MLLT3: variants seen among roughly 807,000 people sequenced by gnomAD.
MLLT3 encodes the protein protein AF-9.
A neutral mutation model predicts 53.2 loss-of-function variants in MLLT3; 4 were observed. The ratio of observed to expected loss-of-function variants is 0.08; its 90% CI spans 0.04 to 0.17. MLLT3 has a LOEUF of 0.17. Among genes scored for constraint, MLLT3 ranks in the 10% least tolerant of loss-of-function variants. MLLT3 has a pLI of 1.00. For synonymous variants in MLLT3, 283 were observed against 230.6 expected, an observed-to-expected ratio of 1.23 and a Z score of -2.06; for missense variants, 569 against 684.0, an observed-to-expected ratio of 0.83 and a Z score of 1.87.
chr9:20,456,322 T>C (rs1461140842), intron 3 of MLLT3, among the ~76,000 whole-genome samples: 2 of 152,156 alleles, frequency 1.3e-5, no homozygotes, highest in Admixed American at 1.3e-4. Flanking sequence ...CAGCTAAAGA[T>C]AAAATGAGAG....
At chr9:20,407,699 A>G (rs1408254884) in intron 5 of MLLT3, among the ~76,000 whole-genome samples, 4 of 152,192 alleles carry the variant, frequency 2.6e-5, no homozygotes, top group Non-Finnish European at 5.9e-5. Context: ...CATCACTTCT[A>G]AAGATGGCAA....
At chr9:20,412,072 C>A (rs1040267211) in intron 5 of MLLT3, 1 of 152,156 alleles carries the variant, frequency 6.6e-6, no homozygotes, top group African/African-American at 2.4e-5. Flanking sequence ...TAGTGAATCA[C>A]AACCCATGAT....
chr9:20,481,615 C>A, intron 2 of MLLT3, among the ~76,000 whole-genome samples: 1 of 152,056 alleles, frequency 6.6e-6, no homozygotes, highest in African/African-American at 2.4e-5. Flanking sequence ...AAATAGCTCC[C>A]CACCCACTTC....
At chr9:20,464,478 C>A (rs1200742646) in intron 2 of MLLT3, among the ~76,000 whole-genome samples, 1 of 151,970 alleles carries the variant, frequency 6.6e-6, no homozygotes, top group African/African-American at 2.4e-5. Context: ...GAGAGAAAGA[C>A]AACATGCATA....
intron 2 of MLLT3, among the ~76,000 whole-genome samples, chr9:20,590,731 T>G (rs1004527088): frequency 2.0e-5 from 3 of 152,100 alleles, no homozygotes; most frequent in Admixed American, 6.6e-5. Context: ...CTAATACAAT[T>G]GCCGTCTTCT....
At chr9:20,431,199 A>C (rs1456975157) in intron 4 of MLLT3, among the ~76,000 whole-genome samples, 1 of 152,186 alleles carries the variant, frequency 6.6e-6, no homozygotes, top group Non-Finnish European at 1.5e-5. Context: ...ATAGGTATAC[A>C]ATATAAGACA....
intron 4 of MLLT3, among the ~76,000 whole-genome samples, chr9:20,420,029 T>A (rs1822967836): frequency 6.6e-6 from 1 of 152,018 alleles, no homozygotes; most frequent in Non-Finnish European, 1.5e-5. Flanking sequence ...GGTGTCAAGG[T>A]GAAAGAAAGT....
chr9:20,484,994 TA>T (rs1194559024), intron 2 of MLLT3, among the ~76,000 whole-genome samples: 3 of 151,836 alleles, frequency 2.0e-5, no homozygotes, highest in Non-Finnish European at 2.9e-5. Context: ...TTTTTTTATT[TA>T]TTTTTTTTTT....
intron 5 of MLLT3, among the ~76,000 whole-genome samples, chr9:20,394,031 C>T (rs1822257999): frequency 6.6e-6 from 1 of 152,180 alleles, no homozygotes; most frequent in South Asian, 2.1e-4. Context: ...ACAACTCTTT[C>T]AAATCATTCA....
chr9:20,605,848 A>T (rs1448285121), intron 2 of MLLT3, among the ~76,000 whole-genome samples: 1 of 152,132 alleles, frequency 6.6e-6, no homozygotes, highest in African/African-American at 2.4e-5. Context: ...TCTCACTTCA[A>T]CTATTAAGCA....
chr9:20,572,528 T>A (rs909446129), intron 2 of MLLT3, among the ~76,000 whole-genome samples: 1 of 152,230 alleles, frequency 6.6e-6, no homozygotes, highest in Non-Finnish European at 1.5e-5. Context: ...GCATGGTGGC[T>A]CACGCCTGTA....
At chr9:20,605,896 G>C (rs1820552441) in intron 2 of MLLT3, among the ~76,000 whole-genome samples, 1 of 152,022 alleles carries the variant, frequency 6.6e-6, no homozygotes, top group African/African-American at 2.4e-5. Flanking sequence ...TTGTAAAGGA[G>C]TACAAATTAC....
rs1820762221 is a variant in MLLT3, at chr9:20,342,602, T to C, written c.*3841A>G. 4.6e-6 allele frequency: 1 copy of C among 217,492 alleles called. No homozygotes were observed. Among genetic ancestry groups the C allele is most frequent in the Non-Finnish European group, 9.2e-6 (1 of 108,308 alleles). The allele number at this position is 217,492 out of a possible 1,614,324, so 13.5% of individuals were successfully genotyped here. A position where few individuals can be genotyped will look rare whatever the true frequency, so the allele number is the denominator to read the frequency against. ...GCGGTGGCTTTGTCTTCCTTTTAAATTGACTTCTTCACTGCATCTTTACAA... is the reference window on the plus strand; with the variant it reads ...GCGGTGGCTTTGTCTTCCTTTTAAACTGACTTCTTCACTGCATCTTTACAA... On this transcript the variant is annotated 3_prime_UTR_variant, in exon 11 of 11. Transcript: ENST00000380338.
chr9:20,417,325 A>T (rs1158937824), intron 4 of MLLT3, among the ~76,000 whole-genome samples: 1 of 147,940 alleles, frequency 6.8e-6, no homozygotes, highest in Non-Finnish European at 1.5e-5. Context: ...GCTTTCGCTG[A>T]TTTTCAGCCT....
chr9:20,604,973 T>C (rs1820525666), intron 2 of MLLT3, among the ~76,000 whole-genome samples: 2 of 152,132 alleles, frequency 1.3e-5, no homozygotes. Flanking sequence ...TTCAGATGGC[T>C]ATCACTTCTT....
intron 2 of MLLT3, among the ~76,000 whole-genome samples, chr9:20,503,450 C>T (rs1825299044): frequency 1.3e-5 from 2 of 152,176 alleles, no homozygotes; most frequent in African/African-American, 4.8e-5. Context: ...GGGGAAAGCA[C>T]AGCCTCTTCA....
intron 2 of MLLT3, among the ~76,000 whole-genome samples, chr9:20,536,423 G>T (rs1218079724): frequency 2.6e-5 from 4 of 152,048 alleles, no homozygotes; most frequent in African/African-American, 9.7e-5. Context: ...TATCATTTAG[G>T]CAAAAAGAGT....
chr9:20,442,267 C>T (rs1346455010), intron 4 of MLLT3, among the ~76,000 whole-genome samples: 1 of 152,098 alleles, frequency 6.6e-6, no homozygotes, highest in Non-Finnish European at 1.5e-5. Context: ...CTATTTGGTG[C>T]AGGCATAGAG....
At chr9:20,485,178 G>T (rs992703647) in intron 2 of MLLT3, among the ~76,000 whole-genome samples, 1 of 151,852 alleles carries the variant, frequency 6.6e-6, no homozygotes. Context: ...CAGTAGAGAC[G>T]GGGTTTCACC....
Sources: gnomAD v4.1 joint callset for allele counts (sites outside exome capture counted in the v4.1 genomes callset) on GRCh38, gnomAD v4.1.1 for gene constraint, MANE v1.5 for transcripts, NCBI Gene and HGNC (gene_info 2026-07-23, HGNC 2026-07-21) for gene names.